The following WDR76 variants were observed in gnomAD, a reference collection of about 807,000 sequenced individuals.
The protein encoded by WDR76 is WD repeat domain 76.
WDR76 carries 52 observed loss-of-function variants against 70.2 expected under a neutral mutation model. The observed-to-expected ratio is 0.74, with a 90% CI of 0.59 to 0.93. WDR76 has a LOEUF of 0.93. Among genes scored for constraint, WDR76 ranks in the 40% least tolerant of loss-of-function variants. WDR76 has a pLI of 0.00. For missense variants in WDR76, 756 were observed against 760.2 expected (o/e 0.99, Z 0.07); for synonymous variants, 292 against 271.1 (o/e 1.08, Z -0.76).
Position 43,827,010 on chromosome 15 carries a change from G to T in WDR76, c.-23G>T, listed in dbSNP as rs578147490. 1.2e-6 allele frequency: 2 copies of T among 1,612,092 alleles called. No homozygotes were observed. The highest frequency in any genetic ancestry group is 1.7e-6 in the Non-Finnish European group (2 of 1,179,674). On this transcript the variant is annotated 5_prime_UTR_variant, in exon 1 of 13. Transcript: ENST00000263795. Reference sequence around the variant, plus strand: ...CCCGCCGCAATCTTGGCGGGAAGGCGCCGGCCGCTAAGAAGCCGAAAGATG... The same window carrying T: ...CCCGCCGCAATCTTGGCGGGAAGGCTCCGGCCGCTAAGAAGCCGAAAGATG...
chr15:43,831,601 G>C (rs1298771895), intron 2 of WDR76, among the ~76,000 whole-genome samples: 1 of 152,012 alleles, frequency 6.6e-6, no homozygotes, highest in Non-Finnish European at 1.5e-5. Context: ...ACCATGCCTA[G>C]CTAATTTTTT....
intron 2 of WDR76, among the ~76,000 whole-genome samples, chr15:43,829,353 A>G (rs2087558103): frequency 6.6e-6 from 1 of 152,090 alleles, no homozygotes; most frequent in Non-Finnish European, 1.5e-5. Context: ...GGAAAGGGAG[A>G]TACTATAATT....
intron 8 of WDR76, among the ~76,000 whole-genome samples, chr15:43,848,977 C>T (rs1189329592): frequency 2.2e-5 from 3 of 137,660 alleles, no homozygotes; most frequent in African/African-American, 5.5e-5. Flanking sequence ...TTTCAGATTA[C>T]CTGCTGTCTC....
In WDR76 at chr15:43,836,196, A is replaced by T. The variant is rs774041931; in HGVS notation, c.588A>T (p.Arg196Ser). 3.1e-6 allele frequency: 5 copies of T among 1,610,004 alleles called. No individual in the cohort carries two copies. Among genetic ancestry groups the T allele is most frequent in the Non-Finnish European group, 3.4e-6 (4 of 1,178,228 alleles). The change falls in exon 4 of 13, where the codon AGA becomes AGT. Residue 196 changes from arginine to serine, a missense_variant. Physicochemically the swap from Arg to Ser is moderately radical, Grantham distance 110. Transcript: ENST00000263795. The part of the protein sequence containing the change: ...AARLREMIEK[R>S]QPPKSKRKKP... The stretch of plus-strand genomic sequence containing the variant: ...GACTCCGTGAAATGATAGAGAAGAG[A>T]CAGCCTCCTAAATCCAAAAGGTAAA...
At chr15:43,856,203 G>T (rs1388942019) in intron 9 of WDR76, among the ~76,000 whole-genome samples, 3 of 152,044 alleles carry the variant, frequency 2.0e-5, no homozygotes, top group Admixed American at 6.6e-5. Flanking sequence ...GGATATTTAT[G>T]TTGCTTCTTA....
chr15:43,849,374 ATAT>A (rs1193782448), intron 8 of WDR76, among the ~76,000 whole-genome samples: 1 of 152,128 alleles, frequency 6.6e-6, no homozygotes, highest in African/African-American at 2.4e-5. Context: ...TCATTTTCTT[ATAT>A]TATTTTGACA....
At chr15:43,858,581 G>T in intron 10 of WDR76, 90 bp from the exon 11 acceptor site, 1 of 1,492,406 alleles carries the variant, frequency 6.7e-7, no homozygotes, top group Non-Finnish European at 9.1e-7. Flanking sequence ...AGTATAGCAA[G>T]TATGTGAGTG....
At chr15:43,827,685 C>T (rs2087533890) in intron 1 of WDR76, among the ~76,000 whole-genome samples, 1 of 152,180 alleles carries the variant, frequency 6.6e-6, no homozygotes, top group Non-Finnish European at 1.5e-5. Flanking sequence ...GCTGGGACTA[C>T]AGGCGTGTGC....
chr15:43,849,889 T>C (rs1176900983), intron 8 of WDR76, among the ~76,000 whole-genome samples: 2 of 152,174 alleles, frequency 1.3e-5, no homozygotes, highest in African/African-American at 2.4e-5. Flanking sequence ...GTTTGAGTTC[T>C]TTATACCAAG....
At chr15:43,847,234 T>C (rs2087800190) in intron 8 of WDR76, among the ~76,000 whole-genome samples, 1 of 152,098 alleles carries the variant, frequency 6.6e-6, no homozygotes, top group Non-Finnish European at 1.5e-5. Context: ...CATAAAATCC[T>C]ATTTAAAAAA....
intron 12 of WDR76, 122 bp downstream of exon 12, chr15:43,861,508 T>G: frequency 1.0e-6 from 1 of 990,214 alleles, no homozygotes; most frequent in Non-Finnish European, 1.5e-6. Flanking sequence ...ATACAAAAAT[T>G]ATAAGTGTCC....
chr15:43,846,677 T>G (rs1031627918), intron 8 of WDR76, among the ~76,000 whole-genome samples: 2 of 152,090 alleles, frequency 1.3e-5, no homozygotes, highest in East Asian at 1.9e-4. Context: ...CTGTATAGAT[T>G]TAAGACATAC....
intron 12 of WDR76, among the ~76,000 whole-genome samples, chr15:43,863,676 C>T (rs1165467611): frequency 6.6e-6 from 1 of 152,094 alleles, no homozygotes; most frequent in Non-Finnish European, 1.5e-5. Context: ...CCTCTTGCCT[C>T]AGCCTCCCAA....
chr15:43,858,661 C>T lies in WDR76; in HGVS notation c.1410-10C>T. On this transcript the variant is annotated splice_polypyrimidine_tract_variant and intron_variant, in intron 10 of 12. Coordinates refer to ENST00000263795, the MANE Select transcript of WDR76 (RefSeq NM_024908.4). ...TATGGCAACATTGATCATTGTTTCTCCCATTACAGGGATACTCATATTTAT... is the reference window on the plus strand; with the variant it reads ...TATGGCAACATTGATCATTGTTTCTTCCATTACAGGGATACTCATATTTAT... 1 of 1,612,572 alleles carries T rather than the reference C, an allele frequency of 6.2e-7. No homozygotes were observed. Among genetic ancestry groups the T allele is most frequent in the Non-Finnish European group, 8.5e-7 (1 of 1,179,362 alleles).
chr15:43,837,557 A>C (rs1246173820), intron 4 of WDR76, among the ~76,000 whole-genome samples: 1 of 152,194 alleles, frequency 6.6e-6, no homozygotes, highest in Non-Finnish European at 1.5e-5. Flanking sequence ...GAGATTTAGC[A>C]AATTTGGGTT....
intron 5 of WDR76, 76 bp from the exon 6 acceptor site, chr15:43,842,339 C>A: frequency 1.5e-6 from 2 of 1,325,222 alleles, no homozygotes; most frequent in Non-Finnish European, 2.1e-6. Flanking sequence ...GGAAAACAGA[C>A]AAATACCCTT....
chr15:43,840,652 G>C (rs2087713239), intron 5 of WDR76, among the ~76,000 whole-genome samples: 1 of 152,102 alleles, frequency 6.6e-6, no homozygotes, highest in Non-Finnish European at 1.5e-5. Flanking sequence ...TAGAAGAGTA[G>C]CTTCAAATTT....
At chr15:43,853,489 C>T (rs1263435008) in intron 9 of WDR76, among the ~76,000 whole-genome samples, 1 of 152,150 alleles carries the variant, frequency 6.6e-6, no homozygotes, top group African/African-American at 2.4e-5. Flanking sequence ...CCGCGCCTGG[C>T]TGTAACTTAC....
chr15:43,856,603 C>CTTT (rs947724840), intron 9 of WDR76, among the ~76,000 whole-genome samples: 9 of 131,746 alleles, frequency 6.8e-5, no homozygotes, highest in African/African-American at 2.5e-4. Flanking sequence ...TGTTTTGTTT[C>CTTT]TTTTTTTTTT....
Sources: gnomAD v4.1 joint callset for allele counts (sites outside exome capture counted in the v4.1 genomes callset) on GRCh38, gnomAD v4.1.1 for gene constraint, MANE v1.5 for transcripts, NCBI Gene and HGNC (gene_info 2026-07-23, HGNC 2026-07-21) for gene names.